Variants in ATIC observed in about 807,000 individuals in gnomAD.
ATIC encodes the protein 5-aminoimidazole-4-carboxamide ribonucleotide formyltransferase/IMP cyclohydrolase.
Under a neutral mutation model 72.5 loss-of-function variants are expected in ATIC, and 64 were observed. The ratio of observed to expected loss-of-function variants is 0.88; its 90% CI spans 0.72 to 1.09. ATIC has a LOEUF of 1.09. Among genes scored for constraint, ATIC ranks in the 50% least tolerant of loss-of-function variants. The pLI is 0.00. For missense variants in ATIC, 787 were observed against 732.4 expected, an observed-to-expected ratio of 1.07 and a Z score of -0.86; for synonymous variants, 281 against 267.1, an observed-to-expected ratio of 1.05 and a Z score of -0.51.
At chr2:215,338,154 G>A (rs774649342) in intron 11 of ATIC, among the ~76,000 whole-genome samples, 1 of 152,144 alleles carries the variant, frequency 6.6e-6, no homozygotes, top group Admixed American at 6.5e-5. Flanking sequence ...AATATCCAGG[G>A]AGAGAGTAGT....
chr2:215,349,239 G>A lies in ATIC; in HGVS notation c.1649G>A (p.Arg550Lys), dbSNP rs2053106372. The A allele has an allele frequency of 6.2e-7, 1 of 1,614,166 alleles. No homozygotes were observed. The highest frequency in any genetic ancestry group is 8.5e-7 in the Non-Finnish European group (1 of 1,180,028). Residue 550 changes from arginine to lysine, a missense_variant, in exon 15 of 16, where the codon AGA becomes AAA. Transcript: ENST00000236959. Reference sequence around the variant, plus strand: ...TTCCCTTTCCGAGATAACGTAGACAGAGCTAAAAGGGTAAGTATGGAATTG... The same window carrying A: ...TTCCCTTTCCGAGATAACGTAGACAAAGCTAAAAGGGTAAGTATGGAATTG... ...AFFPFRDNVD[R>K]AKRSGVAYIA...
chr2:215,349,769 T>G (rs10498036), downstream of ATIC: 937,944 of 1,549,480 alleles, frequency 0.61, 283,489 homozygotes, highest in East Asian at 0.74. Context: ...ACTGGATCCA[T>G]AGTTTTTGGT....
the ATIC span, among the ~76,000 whole-genome samples, chr2:215,367,366 C>T: frequency 6.6e-6 from 1 of 152,106 alleles, no homozygotes; most frequent in African/African-American, 2.4e-5. Context: ...ATATTTCTAG[C>T]AACGTTCAAG....
chr2:215,315,029 A>G (rs947214542), intron 2 of ATIC, among the ~76,000 whole-genome samples: 28 of 152,192 alleles, frequency 1.8e-4, no homozygotes, highest in Admixed American at 1.8e-3. Context: ...GTATGATTGG[A>G]CAGCAAGGAT....
At chr2:215,318,484 C>T (rs920215626) in intron 3 of ATIC, among the ~76,000 whole-genome samples, 27 of 152,158 alleles carry the variant, frequency 1.8e-4, no homozygotes, top group Non-Finnish European at 2.9e-5. Flanking sequence ...AATTTAGAGT[C>T]TGGTGTTTCC....
In ATIC at chr2:215,332,421, C is replaced by G; in HGVS notation, c.728C>G (p.Ala243Gly). The change falls in exon 8 of 16, where the codon GCT becomes GGT. Residue 243 changes from alanine to glycine, a missense_variant. By Grantham distance (60) the Ala-to-Gly change is moderately conservative. Transcript: ENST00000236959. ...CCTGGATTTATAAACTTGTGCGATGCTTTGAACGCCTGGCAGCTGGTGAAG... is the reference window on the plus strand; with the variant it reads ...CCTGGATTTATAAACTTGTGCGATGGTTTGAACGCCTGGCAGCTGGTGAAG... ...GAPGFINLCD[A>G]LNAWQLVKEL... 6.2e-7 allele frequency: 1 copy of G among 1,614,026 alleles called. No individual in the cohort carries two copies. Among genetic ancestry groups the G allele is most frequent in the Non-Finnish European group, 8.5e-7 (1 of 1,180,026 alleles).
intron 7 of ATIC, among the ~76,000 whole-genome samples, chr2:215,328,022 C>A (rs1373643517): frequency 2.0e-5 from 3 of 152,010 alleles, no homozygotes; most frequent in Admixed American, 2.0e-4. Flanking sequence ...TACAGGTGCG[C>A]ACCACAATGC....
At chr2:215,367,032 T>C in the ATIC span, among the ~76,000 whole-genome samples, 1 of 152,244 alleles carries the variant, frequency 6.6e-6, no homozygotes, top group African/African-American at 2.4e-5. Flanking sequence ...TAAAATACTT[T>C]GAAAATCTCT....
rs754271666 is a variant in ATIC, at chr2:215,325,265, C to A, written c.315C>A (p.Pro105=). 6.2e-7 allele frequency: 1 copy of A among 1,613,846 alleles called. No individual in the cohort carries two copies. The highest frequency in any genetic ancestry group is 8.5e-7 in the Non-Finnish European group (1 of 1,179,786). The part of the protein sequence containing the change: ...LIRVVACNLY[P]FVKTVASPGV... ...GAGTTGTTGCCTGCAATCTCTATCC[C>A]TTTGTAAAGACAGTGGCTTCTCCAG... Residue 105 remains proline (P), a synonymous_variant, in exon 5 of 16, where the codon CCC becomes CCA. Coordinates refer to ENST00000236959, the MANE Select transcript of ATIC (RefSeq NM_004044.7).
At chr2:215,354,054 C>G (rs1348631560), downstream of ATIC, among the ~76,000 whole-genome samples, 1 of 150,252 alleles carries the variant, frequency 6.7e-6, no homozygotes, top group African/African-American at 2.4e-5. Flanking sequence ...CAGAGTCGTT[C>G]CCTGTTGCCG....
chr2:215,332,357 T>C lies in ATIC; in HGVS notation c.689-25T>C, dbSNP rs764747617. 1.0e-4 allele frequency: 163 copies of C among 1,613,990 alleles called. No homozygotes were observed. In the Admixed American group the frequency reaches 1.1e-3, roughly 11 times the overall value. ...TGACCTTACTGATCCTGCTTAGTAA[T>C]GTGCATGTATATTTTTACATTTAGT... On this transcript the variant is annotated intron_variant, in intron 7 of 15. Transcript: ENST00000236959.
Position 215,312,547 on chromosome 2 carries a change from C to T in ATIC, c.69C>T (p.Asn23=). 1.2e-6 allele frequency: 2 copies of T among 1,614,218 alleles called. No individual in the cohort carries two copies. The highest frequency in any genetic ancestry group is 2.2e-5 in the South Asian group (2 of 91,088). The change falls in exon 2 of 16, where the codon AAC becomes AAT. Residue 23 remains asparagine (N), a synonymous_variant. Coordinates refer to ENST00000236959, the MANE Select transcript of ATIC (RefSeq NM_004044.7). ...DKTGLVEFAR[N]LTALGLNLVA... is the part of the protein sequence containing the mutation. Reference sequence around the variant, plus strand: ...CCGGCCTTGTGGAATTTGCAAGAAACCTGACCGCTCTTGGTTTGAATCTGG... The same window carrying T: ...CCGGCCTTGTGGAATTTGCAAGAAATCTGACCGCTCTTGGTTTGAATCTGG...
At chr2:215,328,538 C>G in intron 7 of ATIC, among the ~76,000 whole-genome samples, 1 of 152,096 alleles carries the variant, frequency 6.6e-6, no homozygotes, top group African/African-American at 2.4e-5. Context: ...AGAATTCTTC[C>G]CTCTGCCCTT....
Position 215,312,503 on chromosome 2 carries a change from T to C in ATIC, c.25T>C (p.Phe9Leu). Residue 9 changes from phenylalanine to leucine, a missense_variant, in exon 2 of 16, where the codon TTT (phenylalanine) becomes CTT (leucine). Coordinates refer to ENST00000236959, the MANE Select transcript of ATIC (RefSeq NM_004044.7). MAPGQLAL[F>L]SVSDKTGLVE... is the part of the protein sequence containing the mutation. The stretch of plus-strand genomic sequence containing the variant: ...AAAAATGTCTTCTCTTTCAGCCTTA[T>C]TTAGTGTCTCTGACAAAACCGGCCT... 6.2e-7 allele frequency: 1 copy of C among 1,614,224 alleles called. No homozygotes were observed. Among genetic ancestry groups the C allele is most frequent in the Admixed American group, 1.7e-5 (1 of 60,026 alleles).
intron 4 of ATIC, among the ~76,000 whole-genome samples, chr2:215,322,381 G>A (rs1379671182): frequency 1.3e-5 from 2 of 148,826 alleles, no homozygotes; most frequent in African/African-American, 5.0e-5. Flanking sequence ...CCAGGCTGGA[G>A]TGCAGTGGCG....
intron 10 of ATIC, among the ~76,000 whole-genome samples, chr2:215,335,672 G>A (rs1321272372): frequency 2.0e-5 from 3 of 152,160 alleles, no homozygotes; most frequent in Admixed American, 1.3e-4. Flanking sequence ...ACGCCTTGCC[G>A]GAAGAGGTCA....
chr2:215,340,871 G>A (rs149524943), intron 12 of ATIC, among the ~76,000 whole-genome samples: 54 of 152,294 alleles, frequency 3.5e-4, no homozygotes, highest in Non-Finnish European at 6.9e-4. Context: ...AGCATAGACT[G>A]TCAGGCCCAT....
chr2:215,342,444 A>T (rs2053029185), intron 12 of ATIC, among the ~76,000 whole-genome samples: 1 of 152,160 alleles, frequency 6.6e-6, no homozygotes. Context: ...TCCTAATGCT[A>T]GCATTTGTCA....
At chr2:215,319,620 C>CT in intron 3 of ATIC, 45 bp from the exon 4 acceptor site, 1 of 1,358,320 alleles carries the variant, frequency 7.4e-7, no homozygotes, top group Non-Finnish European at 1.1e-6. Flanking sequence ...CTTAATCTGA[C>CT]TTGTTTTTTG....
Sources: allele counts gnomAD v4.1 joint callset (sites outside exome capture counted in the v4.1 genomes callset), GRCh38; gene constraint gnomAD v4.1.1; transcripts MANE v1.5; gene names NCBI Gene and HGNC (gene_info 2026-07-23, HGNC 2026-07-21).